The following NUDT3 variants were observed in gnomAD, a reference collection of about 807,000 sequenced individuals.
NUDT3 encodes nudix hydrolase 3, also known as diphosphoinositol polyphosphate phosphohydrolase 1.
In NUDT3, 9 loss-of-function variants were observed where a neutral mutation model predicts 23.6. The observed-to-expected ratio is 0.38, with a 90% CI of 0.23 to 0.66. NUDT3 has a LOEUF of 0.66. NUDT3 is among the 30% of genes least tolerant of loss of function. The pLI is 0.52. For missense variants in NUDT3, 172 were observed against 218.5 expected, an observed-to-expected ratio of 0.79 and a Z score of 1.34; for synonymous variants, 86 against 82.6, an observed-to-expected ratio of 1.04 and a Z score of -0.22.
chr6:34,317,964 A>T (rs571418040), intron 2 of NUDT3, among the ~76,000 whole-genome samples: 1 of 152,250 alleles, frequency 6.6e-6, no homozygotes, highest in African/African-American at 2.4e-5. Flanking sequence ...TCACAAACAA[A>T]ACATTTTAAT....
intron 2 of NUDT3, among the ~76,000 whole-genome samples, chr6:34,310,967 T>A (rs1169218492): frequency 7.4e-6 from 1 of 135,498 alleles, no homozygotes; most frequent in Non-Finnish European, 1.6e-5. Context: ...ACTCTCAACC[T>A]CCAATCACAG....
intron 1 of NUDT3, among the ~76,000 whole-genome samples, chr6:34,368,230 G>C (rs539476919): frequency 1.7e-4 from 26 of 152,278 alleles, no homozygotes; most frequent in Admixed American, 1.1e-3. Flanking sequence ...CTTCCATAAA[G>C]AATATTGTTT....
At chr6:34,387,518 A>C (rs981421052) in intron 1 of NUDT3, among the ~76,000 whole-genome samples, 1 of 152,080 alleles carries the variant, frequency 6.6e-6, no homozygotes, top group East Asian at 1.9e-4. Flanking sequence ...TTTTAAATAA[A>C]GTTTCTAGAA....
intron 2 of NUDT3, among the ~76,000 whole-genome samples, chr6:34,302,363 T>C (rs1361923576): frequency 6.6e-6 from 1 of 152,234 alleles, no homozygotes; most frequent in Non-Finnish European, 1.5e-5. Flanking sequence ...TTTTCAATGT[T>C]CTTTGCTGAG....
intron 1 of NUDT3, among the ~76,000 whole-genome samples, chr6:34,368,655 T>C (rs1764777142): frequency 6.6e-6 from 1 of 152,086 alleles, no homozygotes; most frequent in Non-Finnish European, 1.5e-5. Flanking sequence ...TTTTTTGTTT[T>C]TGAGACAGAG....
chr6:34,340,467 G>A (rs1056841091), intron 2 of NUDT3, among the ~76,000 whole-genome samples: 1 of 152,204 alleles, frequency 6.6e-6, no homozygotes, highest in Non-Finnish European at 1.5e-5. Context: ...AGTCCAGGGT[G>A]TTTAAAGTTA....
chr6:34,385,839 C>T (rs534672111), intron 1 of NUDT3, among the ~76,000 whole-genome samples: 54 of 152,126 alleles, frequency 3.5e-4, no homozygotes, highest in African/African-American at 1.3e-3. Flanking sequence ...TGCACACCAC[C>T]GTGCCTGGCT....
chr6:34,344,739 C>T (rs1047397377), intron 1 of NUDT3, among the ~76,000 whole-genome samples: 3 of 151,820 alleles, frequency 2.0e-5, no homozygotes, highest in African/African-American at 7.3e-5. Flanking sequence ...GCAAGCTCTG[C>T]TTCCTGGGTT....
intron 1 of NUDT3, among the ~76,000 whole-genome samples, chr6:34,383,146 A>G (rs1765051023): frequency 6.6e-6 from 1 of 151,184 alleles, no homozygotes; most frequent in Non-Finnish European, 1.5e-5. Context: ...AAAAAAAAGG[A>G]AAAAAGAAAA....
intron 1 of NUDT3, among the ~76,000 whole-genome samples, chr6:34,373,005 C>T (rs1006095447): frequency 2.0e-5 from 3 of 151,374 alleles, no homozygotes; most frequent in Non-Finnish European, 2.9e-5. Context: ...GTGTGCCGGG[C>T]GCGGTGGCTC....
At position 34,279,876 on chromosome 6, in the gene NUDT3, C is replaced by A. The variant is rs1561893483; in HGVS notation, c.*8877G>T. ...GGTCAAGTTTTACGGGTAATAACAA[C>A]ATTCTCTCTAGATGGCAGGGGGTAA... On this transcript the variant is annotated 3_prime_UTR_variant, in exon 5 of 5. Coordinates refer to ENST00000607016, the MANE Select transcript of NUDT3 (RefSeq NM_006703.4). The A allele has an allele frequency of 6.6e-6, 1 of 152,202 alleles. No individual in the cohort carries two copies. Among genetic ancestry groups the A allele is most frequent in the Non-Finnish European group, 1.5e-5 (1 of 68,064 alleles). The allele number at this position is 152,202 out of a possible 1,614,324, so 9.4% of individuals were successfully genotyped here.
At chr6:34,324,800 A>G (rs1391475684) in intron 2 of NUDT3, among the ~76,000 whole-genome samples, 1 of 152,244 alleles carries the variant, frequency 6.6e-6, no homozygotes, top group Non-Finnish European at 1.5e-5. Flanking sequence ...TCAAGGTAAT[A>G]ACCCAGAGGC....
intron 2 of NUDT3, among the ~76,000 whole-genome samples, chr6:34,314,432 G>C (rs1404941956): frequency 6.7e-6 from 1 of 149,968 alleles, no homozygotes; most frequent in African/African-American, 2.5e-5. Flanking sequence ...GGTGGTATGC[G>C]CCTGCAGTCC....
intron 2 of NUDT3, among the ~76,000 whole-genome samples, chr6:34,319,995 ATC>A (rs3042016): frequency 0.11 from 16,168 of 152,154 alleles, 922 homozygotes; most frequent in Non-Finnish European, 0.12. Flanking sequence ...AGACGAAAAC[ATC>A]TATATATATG....
intron 2 of NUDT3, among the ~76,000 whole-genome samples, chr6:34,332,216 A>G (rs756607137): frequency 6.6e-6 from 1 of 152,098 alleles, no homozygotes; most frequent in South Asian, 2.1e-4. Context: ...ATAACAGTTG[A>G]TTAACATATA....
intron 1 of NUDT3, among the ~76,000 whole-genome samples, chr6:34,353,564 G>A (rs940647860): frequency 5.3e-5 from 8 of 151,802 alleles, no homozygotes; most frequent in African/African-American, 1.9e-4. Context: ...ATCACATCCA[G>A]CTAATTTTTC....
intron 2 of NUDT3, among the ~76,000 whole-genome samples, chr6:34,328,504 T>C (rs1050794393): frequency 6.6e-6 from 1 of 152,192 alleles, no homozygotes; most frequent in African/African-American, 2.4e-5. Flanking sequence ...GATTGCATAT[T>C]ATCCTAATTC....
At chr6:34,392,036 C>T (rs1189177765) in intron 1 of NUDT3, among the ~76,000 whole-genome samples, 1 of 152,218 alleles carries the variant, frequency 6.6e-6, no homozygotes, top group Non-Finnish European at 1.5e-5. Flanking sequence ...AGCCGGCTAC[C>T]CCCTCCGCCC....
At chr6:34,290,539 T>G (rs1314592471) in intron 4 of NUDT3, among the ~76,000 whole-genome samples, 1 of 151,114 alleles carries the variant, frequency 6.6e-6, no homozygotes, top group Admixed American at 6.6e-5. Flanking sequence ...CACTATTTCT[T>G]AAGCAATCTA....
Sources: gnomAD v4.1 joint callset for allele counts (sites outside exome capture counted in the v4.1 genomes callset) on GRCh38, gnomAD v4.1.1 for gene constraint, MANE v1.5 for transcripts, NCBI Gene and HGNC (gene_info 2026-07-23, HGNC 2026-07-21) for gene names.